TMEM60: variants seen among roughly 807,000 people sequenced by gnomAD.
TMEM60 encodes chromosome 7 open reading frame 35.
Under a neutral mutation model 10.7 loss-of-function variants are expected in TMEM60, and 4 were observed. The observed-to-expected ratio is 0.37, with a 90% CI of 0.18 to 0.86. The LOEUF is 0.86. Among genes scored for constraint, TMEM60 ranks in the 40% least tolerant of loss-of-function variants. The pLI, the probability that TMEM60 is intolerant of heterozygous loss-of-function variation, is 0.43. For missense variants in TMEM60, 128 were observed against 153.4 expected (o/e 0.83, Z 0.88); for synonymous variants, 56 against 58.1 (o/e 0.96, Z 0.17).
intron 1 of TMEM60, among the ~76,000 whole-genome samples, chr7:77,797,808 A>G (rs747153834): frequency 2.4e-4 from 36 of 152,190 alleles, no homozygotes; most frequent in Non-Finnish European, 4.9e-4. Context: ...TAGTCTACCA[A>G]GTGAACCTGC....
In TMEM60 at chr7:77,794,142, C is replaced by A. The variant is rs767820340; in HGVS notation, c.232G>T (p.Ala78Ser). The change falls in exon 2 of 2, where the codon GCC becomes TCC. Residue 78 changes from alanine (A) to serine (S), a missense_variant. Transcript: ENST00000257663. ...RHGSHNIKKK[A>S]WYLIAMLLKL... Reference sequence around the variant, plus strand: ...AGTAACATTGCAATGAGGTACCAGGCTTTTTTTTTAATATTGTGTGATCCA... The same window carrying A: ...AGTAACATTGCAATGAGGTACCAGGATTTTTTTTTAATATTGTGTGATCCA... 1 of 1,607,354 alleles carries A rather than the reference C, an allele frequency of 6.2e-7. No homozygotes were observed. Among genetic ancestry groups the A allele is most frequent in the Non-Finnish European group, 8.5e-7 (1 of 1,176,644 alleles).
intron 1 of TMEM60, among the ~76,000 whole-genome samples, chr7:77,796,339 C>G (rs1345933912): frequency 6.6e-6 from 1 of 152,148 alleles, no homozygotes; most frequent in Non-Finnish European, 1.5e-5. Flanking sequence ...TAAAACTTAG[C>G]TTGGGATAGC....
intron 1 of TMEM60, among the ~76,000 whole-genome samples, 166 bp from the exon 2 acceptor site, chr7:77,794,589 T>C (rs1224489785): frequency 1.3e-5 from 2 of 152,212 alleles, no homozygotes; most frequent in African/African-American, 4.8e-5. Context: ...ATTGACATTA[T>C]ATCCACCATT....
Position 77,796,866 on chromosome 7 carries a change from T to A in TMEM60, c.-51+1388A>T, listed in dbSNP as rs560555593. Among the ~76,000 whole-genome samples the A allele has an allele frequency of 3.9e-5, 6 of 152,310 alleles. No homozygotes were observed. In the South Asian group the frequency reaches 1.2e-3, roughly 32 times the overall value. On this transcript the variant is annotated intron_variant, in intron 1 of 1. Coordinates refer to ENST00000257663, the MANE Select transcript of TMEM60 (RefSeq NM_032936.4). Reference sequence around the variant, plus strand: ...TGTACTGTGCAACATCTCTACTACTTTAAATAGTGGGTGGCTATCACAGTG... The same window carrying A: ...TGTACTGTGCAACATCTCTACTACTATAAATAGTGGGTGGCTATCACAGTG...
chr7:77,794,151 T>C lies in TMEM60; in HGVS notation c.223A>G (p.Lys75Glu). 6.2e-7 allele frequency: 1 copy of C among 1,612,750 alleles called. No individual in the cohort carries two copies. Among genetic ancestry groups the C allele is most frequent in the Non-Finnish European group, 8.5e-7 (1 of 1,179,752 alleles). The change falls in exon 2 of 2, where the codon AAA (lysine) becomes GAA (glutamate). Residue 75 changes from lysine to glutamate, a missense_variant. Lys to Glu is a moderately conservative substitution (Grantham distance 56). Coordinates refer to ENST00000257663, the MANE Select transcript of TMEM60 (RefSeq NM_032936.4). ...FDPRHGSHNI[K>E]KKAWYLIAML... ...GCAATGAGGTACCAGGCTTTTTTTT[T>C]AATATTGTGTGATCCATGTCGAGGG... is the stretch of plus-strand genomic sequence containing the variant.
At chr7:77,798,172 A>AG (rs924883884) in intron 1 of TMEM60, 82 bp downstream of exon 1, 1 of 152,528 alleles carries the variant, frequency 6.6e-6, no homozygotes, top group Non-Finnish European at 1.5e-5. Context: ...TGATGGGTTG[A>AG]GGGTCGGCCG....
Position 77,794,250 on chromosome 7 carries a change from C to T in TMEM60, c.124G>A (p.Val42Ile), listed in dbSNP as rs759969351. 2 of 1,613,998 alleles carry T rather than the reference C, an allele frequency of 1.2e-6. No individual in the cohort carries two copies. The highest frequency in any genetic ancestry group is 2.2e-5 in the South Asian group (2 of 91,058). The change falls in exon 2 of 2, where the codon GTC (valine) becomes ATC (isoleucine). Residue 42 changes from valine to isoleucine, a missense_variant. Physicochemically the swap from Val to Ile is conservative, Grantham distance 29. Coordinates refer to ENST00000257663, the MANE Select transcript of TMEM60 (RefSeq NM_032936.4). ...AGAAGGATAGTATCAAATATCCAGA[C>T]TGGAATGAATATGAGGAACCAGTTC... ...PWNWFLIFIP[V>I]WIFDTILLVL...
In TMEM60 at chr7:77,798,271, C is replaced by A. The variant is rs41281019; in HGVS notation, c.-68G>T. 9.9e-3 allele frequency: 1,511 copies of A among 152,382 alleles called. 11 individuals are homozygous for A. Among genetic ancestry groups the A allele is most frequent in the Middle Eastern group, 0.037 (11 of 294 alleles). The allele number at this position is 152,382 out of a possible 1,614,324, so 9.4% of individuals were successfully genotyped here. A position where few individuals can be genotyped will look rare whatever the true frequency, so the allele number is the denominator to read the frequency against. On this transcript the variant is annotated 5_prime_UTR_variant, in exon 1 of 2. Coordinates refer to ENST00000257663, the MANE Select transcript of TMEM60 (RefSeq NM_032936.4). ...AGACTCACCTGGCAGCGCTGCCGGCCGGAAAGCGGAGAGGGACGCGAAGAT... is the reference window on the plus strand; with the variant it reads ...AGACTCACCTGGCAGCGCTGCCGGCAGGAAAGCGGAGAGGGACGCGAAGAT...
In TMEM60 at chr7:77,794,418, T is replaced by C. The variant is rs1285945984; in HGVS notation, c.-45A>G. 17 of 1,443,164 alleles carry C rather than the reference T, an allele frequency of 1.2e-5. No individual in the cohort carries two copies. Among genetic ancestry groups the C allele is most frequent in the Non-Finnish European group, 1.5e-5 (16 of 1,098,022 alleles). The allele number at this position is 1,443,164 out of a possible 1,614,324, so 89.4% of individuals were successfully genotyped here. Reference sequence around the variant, plus strand: ...TGTTGCAGGATCGGAAAAAAGGAAATATACCCTAAGAGAAGGAGAAAAAGT... The same window carrying C: ...TGTTGCAGGATCGGAAAAAAGGAAACATACCCTAAGAGAAGGAGAAAAAGT... On this transcript the variant is annotated 5_prime_UTR_variant, in exon 2 of 2. The change creates a new upstream start codon in the 5' untranslated region. Coordinates refer to ENST00000257663, the MANE Select transcript of TMEM60 (RefSeq NM_032936.4).
chr7:77,794,804 A>G (rs1306516923), intron 1 of TMEM60, among the ~76,000 whole-genome samples: 2 of 152,214 alleles, frequency 1.3e-5, no homozygotes, highest in Admixed American at 1.3e-4. Context: ...AGAAAAAAGC[A>G]TTCAAAGTAG....
chr7:77,793,767 G>C lies in TMEM60; in HGVS notation c.*205C>G. ...AACTTTATTTACATAGAGATAATAAGGATCTCAATAACTCAAATGCTGAAT... is the reference window on the plus strand; with the variant it reads ...AACTTTATTTACATAGAGATAATAACGATCTCAATAACTCAAATGCTGAAT... On this transcript the variant is annotated 3_prime_UTR_variant, in exon 2 of 2. Transcript: ENST00000257663. 2.0e-6 allele frequency: 1 copy of C among 499,884 alleles called. No homozygotes were observed. Among genetic ancestry groups the C allele is most frequent in the Non-Finnish European group, 3.4e-6 (1 of 296,626 alleles). 31.0% of individuals were successfully genotyped at this position (499,884 alleles called of 1,614,324 possible). A position where few individuals can be genotyped will look rare whatever the true frequency, so the allele number is the denominator to read the frequency against.
intron 1 of TMEM60, among the ~76,000 whole-genome samples, chr7:77,795,090 G>A (rs1792153836): frequency 6.6e-6 from 1 of 152,176 alleles, no homozygotes; most frequent in Admixed American, 6.6e-5. Flanking sequence ...GGAGGTCGAG[G>A]CCGCAGTGAG....
intron 1 of TMEM60, 64 bp from the exon 2 acceptor site, chr7:77,794,487 T>G (rs1337674800): frequency 8.9e-7 from 1 of 1,123,790 alleles, no homozygotes. Flanking sequence ...CTTCCATTCC[T>G]AATGAACAAA....
rs537670593 is a variant in TMEM60, at chr7:77,794,124, T to C, written c.250A>G (p.Met84Val). Residue 84 changes from methionine (M) to valine (V), a missense_variant, in exon 2 of 2, where the codon ATG (methionine) becomes GTG (valine). Met to Val is a conservative substitution (Grantham distance 21). Transcript: ENST00000257663. ...IKKKAWYLIA[M>V]LLKLAFCLAL... ...AGGCAGAAGGCTAATTTAAGTAACA[T>C]TGCAATGAGGTACCAGGCTTTTTTT... is the stretch of plus-strand genomic sequence containing the variant. 11 of 1,614,040 alleles carry C rather than the reference T, an allele frequency of 6.8e-6. No individual in the cohort carries two copies. Among genetic ancestry groups the C allele is most frequent in the East Asian group, 2.2e-5 (1 of 44,878 alleles).
At chr7:77,797,262 G>C (rs553338301) in intron 1 of TMEM60, among the ~76,000 whole-genome samples, 1 of 152,322 alleles carries the variant, frequency 6.6e-6, no homozygotes, top group East Asian at 1.9e-4. Flanking sequence ...TGTTCCATCT[G>C]CTATCGGATA....
chr7:77,797,401 C>T (rs1047779493), intron 1 of TMEM60, among the ~76,000 whole-genome samples: 3 of 152,132 alleles, frequency 2.0e-5, no homozygotes, highest in Non-Finnish European at 4.4e-5. Flanking sequence ...CAACAAAATT[C>T]TGTTATGTTC....
chr7:77,796,711 G>T (rs1051384292), intron 1 of TMEM60, among the ~76,000 whole-genome samples: 5 of 152,194 alleles, frequency 3.3e-5, no homozygotes, highest in Non-Finnish European at 7.3e-5. Flanking sequence ...AGGTGCTAGG[G>T]ATAGGAACAA....
chr7:77,797,839 G>T (rs140506683), intron 1 of TMEM60, among the ~76,000 whole-genome samples: 1 of 152,258 alleles, frequency 6.6e-6, no homozygotes, highest in Non-Finnish European at 1.5e-5. Context: ...AGATAATTTT[G>T]CTTCATGAGC....
At position 77,796,087 on chromosome 7, in the gene TMEM60, G is replaced by A. The variant is rs1031554033; in HGVS notation, c.-50-1664C>T. 8.6e-5 allele frequency among the ~76,000 whole-genome samples: 13 copies of A among 152,034 alleles called. No individual in the cohort carries two copies. In the South Asian group the frequency reaches 1.2e-3, roughly 15 times the overall value. The stretch of plus-strand genomic sequence containing the variant: ...CAAGTAGCTGGGATTACAAGTGTGC[G>A]CCACCACGCCCAGCTAGTTTTTGTA... On this transcript the variant is annotated intron_variant, in intron 1 of 1. Coordinates refer to ENST00000257663, the MANE Select transcript of TMEM60 (RefSeq NM_032936.4).
Sources: allele counts gnomAD v4.1 joint callset (sites outside exome capture counted in the v4.1 genomes callset), GRCh38; gene constraint gnomAD v4.1.1; transcripts MANE v1.5; gene names NCBI Gene and HGNC (gene_info 2026-07-23, HGNC 2026-07-21).